Variants in PLCG2 observed in about 807,000 individuals in gnomAD.
PLCG2 encodes the protein phospholipase C gamma 2.
Under a neutral mutation model 175.6 loss-of-function variants are expected in PLCG2, and 69 were observed. That is an observed-to-expected ratio of 0.39 (90% CI 0.32 to 0.48). PLCG2 has a LOEUF of 0.48. Among genes scored for constraint, PLCG2 ranks in the 20% least tolerant of loss-of-function variants. PLCG2 has a pLI of 0.91. For missense variants in PLCG2, 1,798 were observed against 1,650.9 expected (o/e 1.09, Z -1.54); for synonymous variants, 827 against 624.0 (o/e 1.33, Z -4.85).
chr16:81,933,909 C>G (rs868684895), intron 25 of PLCG2, among the ~76,000 whole-genome samples: 12 of 152,172 alleles, frequency 7.9e-5, no homozygotes, highest in African/African-American at 2.7e-4. Flanking sequence ...CTCCTGAGTC[C>G]ATGGCACATG....
chr16:81,784,612 T>A (rs1344679786), intron 1 of PLCG2, among the ~76,000 whole-genome samples: 1 of 152,216 alleles, frequency 6.6e-6, no homozygotes, highest in East Asian at 1.9e-4. Flanking sequence ...AAGGAGGAGA[T>A]AAGAAACAGA....
In PLCG2 at chr16:81,859,122, G is replaced by T. The variant is rs976068042; in HGVS notation, c.438G>T (p.Leu146=). 1.9e-6 allele frequency: 3 copies of T among 1,586,444 alleles called. No individual in the cohort carries two copies. The highest frequency in any genetic ancestry group is 2.7e-5 in the African/African-American group (2 of 74,434). ...ASTPTIIESW[L]RKQIYSVDQT... ...GTCTCATATTTCTTTCCAGTTGGCT[G>T]AGAAAGCAGATATATTCTGTGGATC... Residue 146 remains leucine (L), a synonymous_variant, in exon 5 of 33, where the codon CTG becomes CTT. Transcript: ENST00000564138.
At chr16:81,914,161 C>T (rs888868097) in intron 19 of PLCG2, among the ~76,000 whole-genome samples, 11 of 152,286 alleles carry the variant, frequency 7.2e-5, no homozygotes, top group South Asian at 4.1e-4. Flanking sequence ...GTTGGCACTC[C>T]CACTGTGCTG....
At chr16:81,743,262 G>A (rs1391387352) in intron 1 of PLCG2, among the ~76,000 whole-genome samples, 1 of 152,226 alleles carries the variant, frequency 6.6e-6, no homozygotes, top group Admixed American at 6.5e-5. Context: ...AAGGTGGGAG[G>A]TTCACACGAG....
chr16:81,887,929 C>T (rs1908450980), intron 9 of PLCG2, among the ~76,000 whole-genome samples: 1 of 152,168 alleles, frequency 6.6e-6, no homozygotes. Flanking sequence ...TGGAACTGGT[C>T]ATGTATATTT....
chr16:81,949,500 A>G (rs1911282802), intron 31 of PLCG2, among the ~76,000 whole-genome samples: 2 of 152,212 alleles, frequency 1.3e-5, no homozygotes, highest in Admixed American at 6.5e-5. Context: ...AGACGGAATA[A>G]TTCAGTGTCC....
At chr16:81,904,386 A>T (rs1909275462) in intron 14 of PLCG2, among the ~76,000 whole-genome samples, 1 of 152,238 alleles carries the variant, frequency 6.6e-6, no homozygotes, top group Non-Finnish European at 1.5e-5. Flanking sequence ...TCACCAGGTT[A>T]CATGACCCTC....
Position 81,893,393 on chromosome 16 carries a change from C to T in PLCG2, c.987-316C>T, listed in dbSNP as rs529748380. Among the ~76,000 whole-genome samples the T allele has an allele frequency of 7.9e-5, 12 of 152,216 alleles. No individual in the cohort carries two copies. The South Asian group carries it at 2.5e-3, about 32-fold the overall frequency. The stretch of plus-strand genomic sequence containing the variant: ...CCATGGGGCCTTGTTAATTCATCTT[C>T]TGCAGCTTTTTTTGCTTCTGACGTG... On this transcript the variant is annotated intron_variant, in intron 11 of 32. Coordinates refer to ENST00000564138, the MANE Select transcript of PLCG2 (RefSeq NM_002661.5).
chr16:81,849,510 G>T (rs1906291454), intron 2 of PLCG2, among the ~76,000 whole-genome samples: 1 of 152,128 alleles, frequency 6.6e-6, no homozygotes, highest in Non-Finnish European at 1.5e-5. Flanking sequence ...TGTAATCTCT[G>T]TACTTTGGAA....
chr16:81,855,016 C>G (rs1001929971), intron 3 of PLCG2, among the ~76,000 whole-genome samples: 1 of 152,006 alleles, frequency 6.6e-6, no homozygotes, highest in Non-Finnish European at 1.5e-5. Context: ...TTGAGACCAG[C>G]ATGGCCAACA....
intron 20 of PLCG2, among the ~76,000 whole-genome samples, chr16:81,920,055 G>A (rs192712909): frequency 5.3e-5 from 8 of 152,302 alleles, no homozygotes; most frequent in Non-Finnish European, 1.0e-4. Context: ...CATGCGCAAA[G>A]GTCCTGAGGT....
chr16:81,832,314 C>A (rs769152933), intron 2 of PLCG2, among the ~76,000 whole-genome samples: 1 of 152,212 alleles, frequency 6.6e-6, no homozygotes, highest in Non-Finnish European at 1.5e-5. Flanking sequence ...AGGAATAATC[C>A]TCAGATTAAG....
upstream of PLCG2, among the ~76,000 whole-genome samples, chr16:81,777,438 A>G (rs1413056800): frequency 2.0e-5 from 2 of 98,816 alleles, no homozygotes; most frequent in African/African-American, 5.1e-5. Flanking sequence ...CTGAAGTTCT[A>G]AAAAAAAAAA....
At chr16:81,776,101 T>TC (rs1910397888), upstream of PLCG2, among the ~76,000 whole-genome samples, 1 of 55,310 alleles carries the variant, frequency 1.8e-5, no homozygotes, top group Non-Finnish European at 4.1e-5. Context: ...TTCTTTCTTT[T>TC]TTTCCTTCTT....
In PLCG2 at chr16:81,867,445, G is replaced by A. The variant is rs527395908; in HGVS notation, c.480-1769G>A. ...TGGTCATTATGGGCACACTGGGTTG[G>A]AGTTTGAGGCTAGCACAGATAAGGT... On this transcript the variant is annotated intron_variant, in intron 5 of 32. Transcript: ENST00000564138. 2.0e-5 allele frequency among the ~76,000 whole-genome samples: 3 copies of A among 152,260 alleles called. No homozygotes were observed. In the South Asian group the frequency reaches 6.2e-4, roughly 32 times the overall value.
At chr16:81,792,620 T>C (rs764965106) in intron 2 of PLCG2, among the ~76,000 whole-genome samples, 2 of 151,842 alleles carry the variant, frequency 1.3e-5, no homozygotes, top group Non-Finnish European at 2.9e-5. Context: ...CTCAGGAAAC[T>C]TACAATCATG....
At chr16:81,787,965 C>G (rs994835144) in intron 2 of PLCG2, among the ~76,000 whole-genome samples, 1 of 152,190 alleles carries the variant, frequency 6.6e-6, no homozygotes, top group African/African-American at 2.4e-5. Flanking sequence ...ATTCAGTCAT[C>G]TGTTGACGGA....
chr16:81,813,817 A>G (rs2143304706), intron 2 of PLCG2, among the ~76,000 whole-genome samples: 1 of 152,334 alleles, frequency 6.6e-6, no homozygotes, highest in East Asian at 1.9e-4. Flanking sequence ...GTGGTCTCAT[A>G]GTAGCTAGTC....
At chr16:81,894,229 G>C (rs573086018) in intron 12 of PLCG2, among the ~76,000 whole-genome samples, 51 of 152,182 alleles carry the variant, frequency 3.4e-4, no homozygotes, top group African/African-American at 1.1e-3. Context: ...AAGAGTTTGA[G>C]ACCAGCCTGG....
Sources: allele counts gnomAD v4.1 joint callset (sites outside exome capture counted in the v4.1 genomes callset), GRCh38; gene constraint gnomAD v4.1.1; transcripts MANE v1.5; gene names NCBI Gene and HGNC (gene_info 2026-07-23, HGNC 2026-07-21).